Variants in LMBRD1 observed in about 807,000 individuals in gnomAD.
LMBRD1 encodes the protein lysosomal cobalamin transport escort protein LMBD1.
A neutral mutation model predicts 74.8 loss-of-function variants in LMBRD1; 64 were observed. The ratio of observed to expected loss-of-function variants is 0.86; its 90% CI spans 0.70 to 1.05. LMBRD1 has a LOEUF of 1.05. Ranked by LOEUF, LMBRD1 falls within the 50% of genes least tolerant of loss-of-function variation. The probability of loss-of-function intolerance (pLI) is 0.00; values close to 1 mark genes in which losing one functional copy is unlikely to be tolerated. For missense variants in LMBRD1, 652 were observed against 645.9 expected (o/e 1.01, Z -0.10); for synonymous variants, 204 against 216.3 (o/e 0.94, Z 0.50).
intron 1 of LMBRD1, 79 bp downstream of exon 1, chr6:69,796,734 G>A (rs568452421): frequency 4.5e-6 from 6 of 1,346,908 alleles, no homozygotes; most frequent in South Asian, 1.2e-5. Context: ...TCCGGGGCCC[G>A]GAGAGGCCAA....
Position 69,675,160 on chromosome 6 carries a change from T to A in LMBRD1, c.*998A>T, listed in dbSNP as rs1347051341. Among the ~76,000 whole-genome samples the A allele has an allele frequency of 1.3e-5, 2 of 152,116 alleles. No homozygotes were observed. The highest frequency in any genetic ancestry group is 2.4e-5 in the African/African-American group (1 of 41,424). On this transcript the variant is annotated 3_prime_UTR_variant, in exon 16 of 16. Coordinates refer to ENST00000649934, the MANE Select transcript of LMBRD1 (RefSeq NM_018368.4). ...TAAGGGAGAGAATAATTAACTTAGA[T>A]ATAGTTGTTAATTCCTAAACTTTTT...
intron 6 of LMBRD1, among the ~76,000 whole-genome samples, chr6:69,741,198 G>A (rs1767093494): frequency 6.6e-6 from 1 of 151,950 alleles, no homozygotes. Context: ...GAAATTATAA[G>A]AGCCTCACTG....
At chr6:69,678,892 A>G (rs888018706) in intron 14 of LMBRD1, among the ~76,000 whole-genome samples, 5 of 152,078 alleles carry the variant, frequency 3.3e-5, no homozygotes, top group African/African-American at 1.2e-4. Flanking sequence ...TTATCAACAT[A>G]TAAGACTTGT....
intron 3 of LMBRD1, among the ~76,000 whole-genome samples, chr6:69,760,920 A>G (rs1765359950): frequency 6.6e-6 from 1 of 151,850 alleles, no homozygotes; most frequent in Non-Finnish European, 1.5e-5. Context: ...TTACATGTCA[A>G]CTCTCTCCCT....
At chr6:69,703,610 A>C (rs1766183467) in intron 9 of LMBRD1, among the ~76,000 whole-genome samples, 1 of 152,186 alleles carries the variant, frequency 6.6e-6, no homozygotes, top group South Asian at 2.1e-4. Context: ...AAGACCAAGA[A>C]AACTATACAT....
chr6:69,747,060 C>T (rs1407080013), intron 5 of LMBRD1, among the ~76,000 whole-genome samples: 1 of 77,412 alleles, frequency 1.3e-5, no homozygotes, highest in African/African-American at 4.8e-5. Context: ...CTCAACTCTC[C>T]AAAAAAAAAA....
intron 3 of LMBRD1, among the ~76,000 whole-genome samples, chr6:69,760,794 G>A (rs551058112): frequency 3.3e-5 from 5 of 152,170 alleles, no homozygotes; most frequent in African/African-American, 9.6e-5. Flanking sequence ...ACTCTGAGAC[G>A]CCCTGGCTGC....
intron 9 of LMBRD1, among the ~76,000 whole-genome samples, chr6:69,711,309 A>G (rs1766377823): frequency 6.6e-6 from 1 of 152,144 alleles, no homozygotes; most frequent in Non-Finnish European, 1.5e-5. Context: ...ATAATTACCT[A>G]AAGTCTGAGC....
chr6:69,744,385 T>C (rs1767172334), intron 5 of LMBRD1, among the ~76,000 whole-genome samples: 1 of 152,198 alleles, frequency 6.6e-6, no homozygotes, highest in Non-Finnish European at 1.5e-5. Flanking sequence ...CCAAAAAAAT[T>C]TGCAACCTCT....
intron 2 of LMBRD1, among the ~76,000 whole-genome samples, chr6:69,786,525 A>G (rs1460533796): frequency 6.6e-6 from 1 of 150,452 alleles, no homozygotes; most frequent in East Asian, 2.0e-4. Flanking sequence ...TTTCATGTAT[A>G]TCCCCATCCA....
chr6:69,752,224 T>C, intron 4 of LMBRD1, 35 bp downstream of exon 4: 1 of 1,587,136 alleles, frequency 6.3e-7, no homozygotes. Flanking sequence ...TATTTTTCTT[T>C]CCTAAACTAA....
chr6:69,697,755 A>G, intron 13 of LMBRD1, 114 bp from the exon 14 acceptor site: 1 of 615,236 alleles, frequency 1.6e-6, no homozygotes, highest in Non-Finnish European at 2.8e-6. Flanking sequence ...TCTATCTAAC[A>G]TTCCAAAATG....
In LMBRD1 at chr6:69,749,350, A is replaced by C. The variant is rs773647162; in HGVS notation, c.464T>G (p.Leu155Arg). ...AAAAATCAAGACTTACCCAACTAAA[A>C]GAAGCAGTGCACAAATCACAACAAA... ...LGFVVICALL[L>R]LVGAFVPLNV... Residue 155 changes from leucine (L) to arginine (R), a missense_variant, in exon 5 of 16, where the codon CTT becomes CGT. Leu to Arg is a moderately radical substitution (Grantham distance 102). Transcript: ENST00000649934. The C allele has an allele frequency of 1.2e-6, 2 of 1,610,464 alleles. No homozygotes were observed. Among genetic ancestry groups the C allele is most frequent in the South Asian group, 2.2e-5 (2 of 90,152 alleles).
intron 3 of LMBRD1, among the ~76,000 whole-genome samples, chr6:69,764,922 T>C (rs1765447997): frequency 7.0e-6 from 1 of 142,028 alleles, no homozygotes; most frequent in Admixed American, 7.4e-5. Flanking sequence ...TTCCTTAATT[T>C]CTTTTCTTTT....
At chr6:69,700,688 A>G (rs1259352136) in intron 12 of LMBRD1, 77 bp downstream of exon 12, 20 of 1,027,144 alleles carry the variant, frequency 1.9e-5, no homozygotes, top group Admixed American at 3.3e-5. Flanking sequence ...ACTATATTCT[A>G]AATCTAAGAT....
At chr6:69,774,523 T>C (rs1457905212) in intron 3 of LMBRD1, among the ~76,000 whole-genome samples, 1 of 152,242 alleles carries the variant, frequency 6.6e-6, no homozygotes, top group Non-Finnish European at 1.5e-5. Flanking sequence ...AATTTCCTTT[T>C]ACTTAATGTT....
intron 7 of LMBRD1, among the ~76,000 whole-genome samples, chr6:69,735,181 T>C (rs2925797): frequency 0.88 from 134,384 of 152,260 alleles, 59,671 homozygotes; most frequent in East Asian, 1. Flanking sequence ...CCTATCCCAC[T>C]AGCTCAGGTT....
At position 69,677,663 on chromosome 6, in the gene LMBRD1, C is replaced by T. The variant is rs144763909; in HGVS notation, c.1418-1122G>A. ...CACTTTTCTAAGAAACCAATTCTCA[C>T]GGCAGCTCAAGCTTGAGAGGTTTCT... On this transcript the variant is annotated intron_variant, in intron 14 of 15. Transcript: ENST00000649934. Among the ~76,000 whole-genome samples, 33 of 152,196 alleles carry T rather than the reference C, an allele frequency of 2.2e-4. No individual in the cohort carries two copies. The Middle Eastern group carries it at 0.01, about 47-fold the overall frequency.
intron 3 of LMBRD1, among the ~76,000 whole-genome samples, chr6:69,771,888 T>C (rs903591015): frequency 6.7e-6 from 1 of 150,018 alleles, no homozygotes; most frequent in Admixed American, 6.6e-5. Flanking sequence ...AAAAAAAAGG[T>C]AGTGAGAAGT....
Sources: allele counts gnomAD v4.1 joint callset (sites outside exome capture counted in the v4.1 genomes callset), GRCh38; gene constraint gnomAD v4.1.1; transcripts MANE v1.5; gene names NCBI Gene and HGNC (gene_info 2026-07-23, HGNC 2026-07-21).